NUP107: variants seen among roughly 807,000 people sequenced by gnomAD.
The protein encoded by NUP107 is nuclear pore complex protein Nup107.
A neutral mutation model predicts 141.0 loss-of-function variants in NUP107; 101 were observed. The ratio of observed to expected loss-of-function variants is 0.72; its 90% CI spans 0.61 to 0.84. The LOEUF (loss-of-function observed/expected upper bound fraction) is 0.84, where lower values mean the gene tolerates loss of function less well. Among genes scored for constraint, NUP107 ranks in the 40% least tolerant of loss-of-function variants. The pLI is 0.00. For synonymous variants in NUP107, 319 were observed against 363.9 expected (o/e 0.88, Z 1.41); for missense variants, 941 against 1,102.7 (o/e 0.85, Z 2.08).
intron 12 of NUP107, 144 bp from the exon 13 acceptor site, chr12:68,719,197 A>G (rs559175721): frequency 1.8e-5 from 11 of 594,852 alleles, no homozygotes; most frequent in African/African-American, 9.4e-5. Flanking sequence ...CCAGAATTCC[A>G]TTATTAACTG....
intron 10 of NUP107, among the ~76,000 whole-genome samples, chr12:68,712,418 CAAAAAAAAAAAAAAA>C (rs745430819): frequency 3.1e-5 from 2 of 63,848 alleles, no homozygotes; most frequent in Non-Finnish European, 3.1e-5. Flanking sequence ...AACTCCATCT[CAAAAAAAAAAAAAAA>C]AAAAAAAAAA....
At chr12:68,727,218 G>C (rs1877602485) in intron 19 of NUP107, 133 bp from the exon 20 acceptor site, 1 of 470,844 alleles carries the variant, frequency 2.1e-6, no homozygotes, top group South Asian at 4.2e-5. Context: ...TAAGCACTTA[G>C]CTTGGTGTAT....
intron 20 of NUP107, among the ~76,000 whole-genome samples, chr12:68,728,898 A>T (rs1055518339): frequency 7.9e-5 from 12 of 152,222 alleles, no homozygotes; most frequent in South Asian, 2.1e-4. Flanking sequence ...ATGGACAACC[A>T]CAGTTACAGA....
intron 5 of NUP107, among the ~76,000 whole-genome samples, chr12:68,694,120 C>T (rs529739769): frequency 6.6e-6 from 1 of 152,268 alleles, no homozygotes; most frequent in South Asian, 2.1e-4. Context: ...GCTCCAGAGC[C>T]CTGCTCTTAA....
At chr12:68,706,162 G>A in intron 8 of NUP107, 1 of 766,926 alleles carries the variant, frequency 1.3e-6, no homozygotes, top group East Asian at 2.4e-5. Flanking sequence ...AGGACTTCAA[G>A]AACAAGTACG....
At chr12:68,691,895 T>A in intron 4 of NUP107, 73 bp from the exon 5 acceptor site, 1 of 1,300,662 alleles carries the variant, frequency 7.7e-7, no homozygotes, top group South Asian at 1.6e-5. Flanking sequence ...ACCTTATTTG[T>A]TTTTAAAGTA....
intron 18 of NUP107, 99 bp downstream of exon 18, chr12:68,725,895 G>A (rs1877545752): frequency 1.5e-6 from 1 of 651,620 alleles, no homozygotes; most frequent in Non-Finnish European, 2.6e-6. Flanking sequence ...GGAGTGCAGT[G>A]GCTCAGTCTC....
At position 68,742,413 on chromosome 12, in the gene NUP107, T is replaced by A. The variant is rs1318137110; in HGVS notation, c.2729T>A (p.Met910Lys). 1 of 1,611,780 alleles carries A rather than the reference T, an allele frequency of 6.2e-7. No homozygotes were observed. Among genetic ancestry groups the A allele is most frequent in the African/African-American group, 1.3e-5 (1 of 74,864 alleles). The change falls in exon 28 of 28, where the codon ATG becomes AAG. Residue 910 changes from methionine (M) to lysine (K), a missense_variant. Met to Lys is a moderately conservative substitution (Grantham distance 95, BLOSUM62 -1). Coordinates refer to ENST00000229179, the MANE Select transcript of NUP107 (RefSeq NM_020401.4). ...LLQKLRESSL[M>K]LLDQGLDPLG... Reference sequence around the variant, plus strand: ...CAGAAGCTCAGAGAGTCCTCTCTAATGCTCCTAGACCAGGGACTTGACCCA... The same window carrying A: ...CAGAAGCTCAGAGAGTCCTCTCTAAAGCTCCTAGACCAGGGACTTGACCCA...
rs1375729671 is a variant in NUP107 at position 68,733,632 on chromosome 12, C to T, written c.2262+20C>T. On this transcript the variant is annotated intron_variant, in intron 24 of 27. Coordinates refer to ENST00000229179, the MANE Select transcript of NUP107 (RefSeq NM_020401.4). Reference sequence around the variant, plus strand: ...TATTTGGTGAGACTGTAAAGAAAGCCACAGATGTGCCTACTTCATGATGAT... The same window carrying T: ...TATTTGGTGAGACTGTAAAGAAAGCTACAGATGTGCCTACTTCATGATGAT... 2 of 1,589,982 alleles carry T rather than the reference C, an allele frequency of 1.3e-6. No individual in the cohort carries two copies. The highest frequency in any genetic ancestry group is 4.5e-5 in the East Asian group (2 of 44,462).
intron 1 of NUP107, among the ~76,000 whole-genome samples, chr12:68,688,735 C>G (rs770764385): frequency 6.6e-6 from 1 of 152,092 alleles, no homozygotes; most frequent in Non-Finnish European, 1.5e-5. Flanking sequence ...ATAGTGAGTA[C>G]TAGAAAGTCA....
intron 25 of NUP107, 146 bp downstream of exon 25, chr12:68,734,979 T>C: frequency 1.0e-6 from 1 of 988,684 alleles, no homozygotes; most frequent in Non-Finnish European, 1.5e-6. Flanking sequence ...ATGCAATCTG[T>C]TTAGTTACTT....
chr12:68,705,864 C>G (rs1486313398), intron 8 of NUP107: 3 of 796,066 alleles, frequency 3.8e-6, no homozygotes, highest in African/African-American at 3.4e-5. Context: ...GCCCCCTTAA[C>G]CTGGAGGTGG....
At position 68,696,818 on chromosome 12, in the gene NUP107, G is replaced by A. The variant is rs1428636637; in HGVS notation, c.449-1G>A. The A allele has an allele frequency of 6.7e-7, 1 of 1,501,550 alleles. No individual in the cohort carries two copies. The highest frequency in any genetic ancestry group is 9.1e-7 in the Non-Finnish European group (1 of 1,098,744). The allele number at this position is 1,501,550 out of a possible 1,614,324, so 93.0% of individuals were successfully genotyped here. A position where few individuals can be genotyped will look rare whatever the true frequency, so the allele number is the denominator to read the frequency against. On this transcript the variant is annotated splice_acceptor_variant, in intron 5 of 27. Coordinates refer to ENST00000229179, the MANE Select transcript of NUP107 (RefSeq NM_020401.4). LOFTEE classifies it high-confidence loss of function. ...CTTTTTTTTTTTTTGATGTGTTCTA[G>A]CATCCATGAGTATGTTTTCTGATTT...
intron 5 of NUP107, among the ~76,000 whole-genome samples, chr12:68,693,724 G>A (rs1173880682): frequency 6.6e-6 from 1 of 152,164 alleles, no homozygotes; most frequent in Non-Finnish European, 1.5e-5. Context: ...ACCTCACCTT[G>A]GTTCTCAGTC....
intron 5 of NUP107, among the ~76,000 whole-genome samples, chr12:68,696,161 C>G (rs1411450870): frequency 2.7e-5 from 4 of 149,684 alleles, no homozygotes; most frequent in Non-Finnish European, 4.4e-5. Context: ...GTCAGGAAAT[C>G]AAGACCATCC....
In NUP107 at chr12:68,744,252, T is replaced by C. The variant is rs976286438; in HGVS notation, c.*1790T>C. 4 of 152,330 alleles carry C rather than the reference T, an allele frequency of 2.6e-5. No individual in the cohort carries two copies. Among genetic ancestry groups the C allele is most frequent in the African/African-American group, 9.6e-5 (4 of 41,570 alleles). The allele number at this position is 152,330 out of a possible 1,614,324, so 9.4% of individuals were successfully genotyped here. A position where few individuals can be genotyped will look rare whatever the true frequency, so the allele number is the denominator to read the frequency against. On this transcript the variant is annotated 3_prime_UTR_variant, in exon 28 of 28. Coordinates refer to ENST00000229179, the MANE Select transcript of NUP107 (RefSeq NM_020401.4). The stretch of plus-strand genomic sequence containing the variant: ...ATGTCCCCCACTCTGTATTTGTCTT[T>C]TGTTGTGCCTTGTTTTTTGAATGTC...
intron 20 of NUP107, among the ~76,000 whole-genome samples, chr12:68,730,795 T>C (rs1877789529): frequency 6.6e-6 from 1 of 151,822 alleles, no homozygotes; most frequent in Admixed American, 6.6e-5. Context: ...TGAAAAGCCA[T>C]CTCTACTAAA....
At chr12:68,701,564 C>T (rs1876328445) in intron 7 of NUP107, among the ~76,000 whole-genome samples, 1 of 151,914 alleles carries the variant, frequency 6.6e-6, no homozygotes, top group South Asian at 2.1e-4. Flanking sequence ...CACCTATAAT[C>T]CCAGCTACTT....
chr12:68,689,087 T>A (rs1231108141), intron 2 of NUP107, 34 bp downstream of exon 2: 1 of 1,513,820 alleles, frequency 6.6e-7, no homozygotes. Context: ...ATTATAAAAA[T>A]TGTAACATGT....
Sources: allele counts gnomAD v4.1 joint callset (sites outside exome capture counted in the v4.1 genomes callset), GRCh38; gene constraint gnomAD v4.1.1; transcripts MANE v1.5; gene names NCBI Gene and HGNC (gene_info 2026-07-23, HGNC 2026-07-21).